Variants in ROR2 observed in about 807,000 individuals in gnomAD.
The protein encoded by ROR2 is ROR family WNT receptor 2.
A neutral mutation model predicts 74.9 loss-of-function variants in ROR2; 33 were observed. The observed-to-expected ratio is 0.44, with a 90% confidence interval of 0.33 to 0.59. The LOEUF is 0.59. ROR2 is among the 20% of genes least tolerant of loss of function. ROR2 has a pLI of 0.02. For missense variants in ROR2, 1,216 were observed against 1,313.8 expected, an observed-to-expected ratio of 0.93 and a Z score of 1.15; for synonymous variants, 586 against 558.7, an observed-to-expected ratio of 1.05 and a Z score of -0.69.
chr9:91,873,970 G>T (rs1203466373), intron 1 of ROR2, among the ~76,000 whole-genome samples: 1 of 152,196 alleles, frequency 6.6e-6, no homozygotes, highest in Admixed American at 6.5e-5. Flanking sequence ...AAGGCTTTCT[G>T]TCTGGGGTCC....
At chr9:91,880,208 A>G (rs140280554) in intron 1 of ROR2, among the ~76,000 whole-genome samples, 22 of 152,274 alleles carry the variant, frequency 1.4e-4, no homozygotes, top group African/African-American at 5.1e-4. Context: ...CCATGTGAAG[A>G]CACAGGGTGA....
chr9:91,724,488 A>G lies in ROR2; in HGVS notation c.2006T>C (p.Phe669Ser), dbSNP rs200159827. Residue 669 changes from phenylalanine (F) to serine (S), a missense_variant, in exon 9 of 9, where the codon TTC becomes TCC. By Grantham distance (155) the Phe-to-Ser change is radical (BLOSUM62 -2). Transcript: ENST00000375708. Reference sequence around the variant, plus strand: ...GGACCAGATGTCTGAGTCGATGGAGAACTTGCCGTACATGATGGCCTCTGG... The same window carrying G: ...GGACCAGATGTCTGAGTCGATGGAGGACTTGCCGTACATGATGGCCTCTGG... ...MAPEAIMYGK[F>S]SIDSDIWSYG... The G allele has an allele frequency of 3.2e-5, 52 of 1,614,174 alleles. No individual in the cohort carries two copies. The highest frequency in any genetic ancestry group is 4.3e-5 in the Non-Finnish European group (51 of 1,180,020).
At chr9:91,825,863 T>C (rs1828271647) in intron 1 of ROR2, among the ~76,000 whole-genome samples, 2 of 152,224 alleles carry the variant, frequency 1.3e-5, no homozygotes, top group Non-Finnish European at 2.9e-5. Flanking sequence ...GGGCAAACAC[T>C]GATTCTGAGG....
At chr9:91,759,806 T>C (rs1033574691) in intron 2 of ROR2, among the ~76,000 whole-genome samples, 1 of 151,724 alleles carries the variant, frequency 6.6e-6, no homozygotes, top group African/African-American at 2.4e-5. Context: ...CAGGATAGAG[T>C]CTCACGGACA....
chr9:91,899,434 C>A (rs1277015499), intron 1 of ROR2, among the ~76,000 whole-genome samples: 1 of 152,164 alleles, frequency 6.6e-6, no homozygotes, highest in Non-Finnish European at 1.5e-5. Context: ...GACTATGGAA[C>A]CCTGTGTCCC....
intron 1 of ROR2, among the ~76,000 whole-genome samples, chr9:91,850,992 C>T (rs1047859517): frequency 6.6e-6 from 1 of 152,124 alleles, no homozygotes; most frequent in African/African-American, 2.4e-5. Context: ...GTTCTAACAT[C>T]ATTTATTTAA....
chr9:91,726,310 G>A (rs1171211511), intron 8 of ROR2, among the ~76,000 whole-genome samples: 1 of 152,132 alleles, frequency 6.6e-6, no homozygotes, highest in African/African-American at 2.4e-5. Context: ...CAGGCAGAAG[G>A]AGGCCCATGG....
chr9:91,947,142 G>C (rs898831228), intron 1 of ROR2, among the ~76,000 whole-genome samples: 1 of 152,206 alleles, frequency 6.6e-6, no homozygotes, highest in Admixed American at 6.5e-5. Context: ...CTGCAGAGCA[G>C]TCACCAAAAA....
intron 6 of ROR2, 139 bp from the exon 7 acceptor site, chr9:91,731,294 T>A: frequency 8.2e-7 from 1 of 1,224,680 alleles, no homozygotes; most frequent in Non-Finnish European, 1.2e-6. Context: ...AGTAATGGCT[T>A]AATGAAGTCC....
At chr9:91,860,267 C>A (rs535222329) in intron 1 of ROR2, among the ~76,000 whole-genome samples, 1 of 152,130 alleles carries the variant, frequency 6.6e-6, no homozygotes, top group Non-Finnish European at 1.5e-5. Flanking sequence ...CCCTCGGCAG[C>A]GCTTGGTGAC....
intron 5 of ROR2, among the ~76,000 whole-genome samples, chr9:91,734,677 G>C (rs1028595762): frequency 1.3e-5 from 2 of 152,172 alleles, no homozygotes; most frequent in African/African-American, 4.8e-5. Context: ...GCCTTTCCGG[G>C]CCTGTTTCTG....
At chr9:91,760,576 G>A (rs1825884207) in intron 2 of ROR2, among the ~76,000 whole-genome samples, 2 of 151,518 alleles carry the variant, frequency 1.3e-5, no homozygotes, top group African/African-American at 2.4e-5. Context: ...GGAGCTTGCA[G>A]TGAGCCGAGA....
rs538407983 is a variant in ROR2, at chr9:91,931,787, C to T, written c.97+18080G>A. The stretch of plus-strand genomic sequence containing the variant: ...ATTTGGAAAAGAACAATACTAAAAA[C>T]ATCATGCAACATGAACACAACATAA... On this transcript the variant is annotated intron_variant, in intron 1 of 8. Coordinates refer to ENST00000375708, the MANE Select transcript of ROR2 (RefSeq NM_004560.4). 2.6e-5 allele frequency among the ~76,000 whole-genome samples: 4 copies of T among 152,248 alleles called. No individual in the cohort carries two copies. In the East Asian group the frequency reaches 7.7e-4, roughly 29 times the overall value.
At chr9:91,761,800 T>G (rs1825922923) in intron 2 of ROR2, among the ~76,000 whole-genome samples, 1 of 152,124 alleles carries the variant, frequency 6.6e-6, no homozygotes, top group Admixed American at 6.6e-5. Flanking sequence ...GAATTGAAAC[T>G]CACCAGATCA....
At chr9:91,948,839 C>T (rs1296170397) in intron 1 of ROR2, 2 of 985,322 alleles carry the variant, frequency 2.0e-6, no homozygotes, top group African/African-American at 1.7e-5. Flanking sequence ...AAGGCCCCGC[C>T]CGCCCTCCTC....
intron 1 of ROR2, among the ~76,000 whole-genome samples, chr9:91,912,440 G>A (rs1225261169): frequency 1.3e-5 from 2 of 152,156 alleles, no homozygotes; most frequent in Admixed American, 6.5e-5. Context: ...ACCTTGACTT[G>A]ATCATCGCAC....
At chr9:91,943,015 G>C (rs987769373) in intron 1 of ROR2, among the ~76,000 whole-genome samples, 5 of 152,186 alleles carry the variant, frequency 3.3e-5, no homozygotes, top group African/African-American at 1.2e-4. Context: ...TCAATGGTGA[G>C]TCCTGGATGC....
chr9:91,853,132 G>T (rs1829165178), intron 1 of ROR2, among the ~76,000 whole-genome samples: 1 of 152,220 alleles, frequency 6.6e-6, no homozygotes, highest in Non-Finnish European at 1.5e-5. Flanking sequence ...AGGCATGAGG[G>T]GTCTGATCTA....
intron 1 of ROR2, among the ~76,000 whole-genome samples, chr9:91,825,938 T>C (rs1828275049): frequency 6.6e-6 from 1 of 152,256 alleles, no homozygotes; most frequent in South Asian, 2.1e-4. Flanking sequence ...TAATGCTGAC[T>C]TACATCAGCT....
Sources: gnomAD v4.1 joint callset for allele counts (sites outside exome capture counted in the v4.1 genomes callset) on GRCh38, gnomAD v4.1.1 for gene constraint, MANE v1.5 for transcripts, NCBI Gene and HGNC (gene_info 2026-07-23, HGNC 2026-07-21) for gene names.